The following CNTN5 variants were observed in gnomAD, a reference collection of about 807,000 sequenced individuals.
The protein encoded by CNTN5 is contactin 5.
CNTN5 carries 77 observed loss-of-function variants against 129.1 expected under a neutral mutation model. That is an observed-to-expected ratio of 0.60 (90% CI 0.50 to 0.72). CNTN5 has a LOEUF of 0.72. CNTN5 is among the 30% of genes least tolerant of loss of function. The pLI is 0.00. For missense variants in CNTN5, 1,478 were observed against 1,328.8 expected (o/e 1.11, Z -1.75); for synonymous variants, 509 against 465.6 (o/e 1.09, Z -1.20).
At chr11:99,388,099 C>T (rs1384017111) in intron 2 of CNTN5, among the ~76,000 whole-genome samples, 1 of 151,998 alleles carries the variant, frequency 6.6e-6, no homozygotes, top group Non-Finnish European at 1.5e-5. Context: ...ATTCCCTCTG[C>T]AGACTAGGTT....
intron 2 of CNTN5, among the ~76,000 whole-genome samples, chr11:99,484,845 C>A (rs1945747082): frequency 6.6e-6 from 1 of 152,024 alleles, no homozygotes; most frequent in Non-Finnish European, 1.5e-5. Context: ...CACATACAAA[C>A]AACAACAACA....
rs369374416 is a variant in CNTN5 at position 99,956,892 on chromosome 11, C to T, written c.760C>T (p.Leu254Phe). The change falls in exon 8 of 25, where the codon CTT becomes TTT. Residue 254 changes from leucine (L) to phenylalanine (F), a missense_variant. Transcript: ENST00000524871. Reference sequence around the variant, plus strand: ...GTTCATCTCCCAGGAGACAGGCAACCTTTATATTTCTAAAGTCCAAACATC... The same window carrying T: ...GTTCATCTCCCAGGAGACAGGCAACTTTTATATTTCTAAAGTCCAAACATC... ...RRFISQETGN[L>F]YISKVQTSDV... 3 of 1,613,874 alleles carry T rather than the reference C, an allele frequency of 1.9e-6. No individual in the cohort carries two copies. Among genetic ancestry groups the T allele is most frequent in the Admixed American group, 1.7e-5 (1 of 60,018 alleles).
rs148553479 is a variant in CNTN5 at position 99,416,769 on chromosome 11, T to C, written c.-71+91285T>C. On this transcript the variant is annotated intron_variant, in intron 2 of 24. Coordinates refer to ENST00000524871, the MANE Select transcript of CNTN5 (RefSeq NM_014361.4). ...AGGCAGAGGCTGGAGGGAAGTTTTA[T>C]AGGGTTGTGCTGGAAGGGGCTATGT... is the stretch of plus-strand genomic sequence containing the variant. Among the ~76,000 whole-genome samples, 190 of 152,236 alleles carry C rather than the reference T, an allele frequency of 1.2e-3. 2 individuals carry two copies. The highest frequency in any genetic ancestry group is 2.9e-4 in the Non-Finnish European group (20 of 68,002).
chr11:99,885,938 C>T (rs1049940754), intron 6 of CNTN5, among the ~76,000 whole-genome samples: 3 of 152,082 alleles, frequency 2.0e-5, no homozygotes, highest in Admixed American at 2.0e-4. Flanking sequence ...AAAAATTAAT[C>T]ATTAACTTAA....
At chr11:99,596,639 A>C (rs1950135019) in intron 3 of CNTN5, among the ~76,000 whole-genome samples, 1 of 152,206 alleles carries the variant, frequency 6.6e-6, no homozygotes. Flanking sequence ...TATACTTGGT[A>C]CCATTACATA....
intron 3 of CNTN5, among the ~76,000 whole-genome samples, chr11:99,762,866 C>T (rs918748912): frequency 6.6e-6 from 1 of 152,142 alleles, no homozygotes; most frequent in Non-Finnish European, 1.5e-5. Context: ...TAATTTTCCA[C>T]ATCCTTAAGA....
chr11:99,707,640 C>T (rs1046614317), intron 3 of CNTN5, among the ~76,000 whole-genome samples: 1 of 151,532 alleles, frequency 6.6e-6, no homozygotes, highest in Non-Finnish European at 1.5e-5. Context: ...TTACATTTGG[C>T]TTTGTTGTCT....
chr11:100,247,474 T>C (rs2138699887), intron 16 of CNTN5, among the ~76,000 whole-genome samples: 1 of 152,166 alleles, frequency 6.6e-6, no homozygotes, highest in South Asian at 2.1e-4. Context: ...GATTAGTAAA[T>C]AGCAAACAAA....
intron 3 of CNTN5, among the ~76,000 whole-genome samples, chr11:99,679,029 T>C (rs961242779): frequency 6.8e-6 from 1 of 147,516 alleles, no homozygotes; most frequent in Non-Finnish European, 1.5e-5. Flanking sequence ...TTTAAATATA[T>C]ATATAAAATA....
At chr11:100,090,405 C>CT (rs1415731701) in intron 13 of CNTN5, among the ~76,000 whole-genome samples, 8 of 151,862 alleles carry the variant, frequency 5.3e-5, no homozygotes, top group Non-Finnish European at 1.2e-4. Flanking sequence ...GTCCCTCTTT[C>CT]TTTTTCTTTT....
intron 3 of CNTN5, among the ~76,000 whole-genome samples, chr11:99,580,315 G>A (rs1949529622): frequency 1.3e-5 from 2 of 152,090 alleles, no homozygotes; most frequent in Non-Finnish European, 2.9e-5. Flanking sequence ...TCTCTGCTCG[G>A]CTTTGGTATC....
At chr11:99,227,982 T>C (rs75213633) in intron 1 of CNTN5, among the ~76,000 whole-genome samples, 2,642 of 152,262 alleles carry the variant, frequency 0.017, 43 homozygotes, top group African/African-American at 0.038. Flanking sequence ...AACATTTTGG[T>C]AATGTAACAT....
Position 99,707,973 on chromosome 11 carries a change from G to A in CNTN5, c.56-111571G>A, listed in dbSNP as rs144642652. Reference sequence around the variant, plus strand: ...CATGAGTGCTTTTAAGAGAGGTTTTGAAATGTGTCCTGGATAGGTCTGCAG... The same window carrying A: ...CATGAGTGCTTTTAAGAGAGGTTTTAAAATGTGTCCTGGATAGGTCTGCAG... On this transcript the variant is annotated intron_variant, in intron 3 of 24. Coordinates refer to ENST00000524871, the MANE Select transcript of CNTN5 (RefSeq NM_014361.4). 9.3e-3 allele frequency among the ~76,000 whole-genome samples: 1,418 copies of A among 151,712 alleles called. 14 individuals carry two copies. Among genetic ancestry groups the A allele is most frequent in the Non-Finnish European group, 0.011 (776 of 67,732 alleles).
intron 3 of CNTN5, among the ~76,000 whole-genome samples, chr11:99,680,340 A>G (rs1027039626): frequency 6.6e-6 from 1 of 152,144 alleles, no homozygotes; most frequent in African/African-American, 2.4e-5. Flanking sequence ...CTGTATTGTT[A>G]AGTTGTAATG....
chr11:99,872,742 A>G (rs891528682), intron 6 of CNTN5, among the ~76,000 whole-genome samples: 5 of 152,152 alleles, frequency 3.3e-5, no homozygotes, highest in African/African-American at 1.2e-4. Flanking sequence ...ACAAGATGGC[A>G]TTATATGAGT....
chr11:99,924,848 T>C (rs1950025108), intron 7 of CNTN5, among the ~76,000 whole-genome samples: 1 of 152,202 alleles, frequency 6.6e-6, no homozygotes, highest in Non-Finnish European at 1.5e-5. Flanking sequence ...GCAGTTGTTT[T>C]TGGTGATTAA....
chr11:99,549,651 A>C (rs1948416759), intron 2 of CNTN5, among the ~76,000 whole-genome samples: 1 of 152,094 alleles, frequency 6.6e-6, no homozygotes, highest in Non-Finnish European at 1.5e-5. Context: ...CATGATATCC[A>C]GTTCCCAAAT....
At chr11:100,001,127 C>T (rs140676926) in intron 8 of CNTN5, among the ~76,000 whole-genome samples, 39 of 152,234 alleles carry the variant, frequency 2.6e-4, no homozygotes, top group Admixed American at 6.5e-4. Context: ...TTTCTGCAGC[C>T]GGGTTTAATT....
At chr11:99,037,761 G>T (rs1223848413) in intron 1 of CNTN5, among the ~76,000 whole-genome samples, 1 of 151,214 alleles carries the variant, frequency 6.6e-6, no homozygotes, top group Non-Finnish European at 1.5e-5. Flanking sequence ...TGTATTTTTA[G>T]TAGAGACGGG....
Sources: allele counts gnomAD v4.1 joint callset (sites outside exome capture counted in the v4.1 genomes callset), GRCh38; gene constraint gnomAD v4.1.1; transcripts MANE v1.5; gene names NCBI Gene and HGNC (gene_info 2026-07-23, HGNC 2026-07-21).